Variants in GSE1 observed in about 807,000 individuals in gnomAD.
GSE1 encodes Gse1 coiled-coil protein, also known as genetic suppressor element 1.
Under a neutral mutation model 112.6 loss-of-function variants are expected in GSE1, and 32 were observed. The ratio of observed to expected loss-of-function variants is 0.28; its 90% CI spans 0.21 to 0.38. The LOEUF is 0.38. GSE1 is among the 10% of genes least tolerant of loss of function. GSE1 has a pLI of 1.00. For synonymous variants in GSE1, 1,115 were observed against 735.6 expected, an observed-to-expected ratio of 1.52 and a Z score of -8.35; for missense variants, 2,348 against 1,699.2, an observed-to-expected ratio of 1.38 and a Z score of -6.71.
At chr16:85,504,411 T>C (rs924950376) in intron 2 of GSE1, among the ~76,000 whole-genome samples, 3 of 152,184 alleles carry the variant, frequency 2.0e-5, no homozygotes, top group Non-Finnish European at 2.9e-5. Context: ...AAGCTGGGTG[T>C]GAGGACAGCT....
intron 1 of GSE1, among the ~76,000 whole-genome samples, chr16:85,237,566 C>T (rs565389979): frequency 9.9e-5 from 15 of 151,904 alleles, no homozygotes; most frequent in African/African-American, 3.1e-4. Context: ...AGGCTGGGCA[C>T]GGTGGCTCAC....
intron 1 of GSE1, among the ~76,000 whole-genome samples, chr16:85,570,279 G>A (rs2045929742): frequency 6.6e-6 from 1 of 152,148 alleles, no homozygotes; most frequent in Non-Finnish European, 1.5e-5. Flanking sequence ...CCCAGCATGT[G>A]AGAGGCTGTC....
rs1255546244 is a variant in GSE1, at chr16:85,668,213, G to A, written c.3204G>A (p.Leu1068=). The part of the protein sequence containing the change: ...DTSVHYNIPE[L]QSSSRAPPPQ... ...CCGTCCACTACAACATTCCTGAGCTGCAGTCCTCCAGCCGCGCCCCTCCAC... is the reference window on the plus strand; with the variant it reads ...CCGTCCACTACAACATTCCTGAGCTACAGTCCTCCAGCCGCGCCCCTCCAC... The change falls in exon 14 of 16, where the codon CTG becomes CTA. Residue 1068 remains leucine (L), a synonymous_variant. Coordinates refer to ENST00000253458, the MANE Select transcript of GSE1 (RefSeq NM_014615.5). 2 of 1,611,016 alleles carry A rather than the reference G, an allele frequency of 1.2e-6. No individual in the cohort carries two copies. The highest frequency in any genetic ancestry group is 1.7e-6 in the Non-Finnish European group (2 of 1,177,318).
chr16:85,600,562 AACACACACACACACACACACCCCAAAC>A (rs1158065637), intron 1 of GSE1, among the ~76,000 whole-genome samples: 1 of 148,548 alleles, frequency 6.7e-6, no homozygotes, highest in Non-Finnish European at 1.5e-5. Flanking sequence ...CTTGTTAAAA[AACACACACACACACACACACCCCAAAC>A]ACACACACAC....
intron 2 of GSE1, among the ~76,000 whole-genome samples, chr16:85,505,346 G>A (rs927714854): frequency 2.0e-5 from 3 of 152,164 alleles, no homozygotes; most frequent in Non-Finnish European, 4.4e-5. Context: ...AGTCCCACCC[G>A]GGAGGCCTTC....
chr16:85,356,389 G>A (rs540121793), intron 1 of GSE1, among the ~76,000 whole-genome samples: 4 of 152,244 alleles, frequency 2.6e-5, no homozygotes, highest in East Asian at 1.9e-4. Context: ...GGCAGCACCC[G>A]GGGAGGGACA....
intron 1 of GSE1, among the ~76,000 whole-genome samples, chr16:85,226,521 G>A (rs545149241): frequency 2.0e-5 from 3 of 152,286 alleles, no homozygotes; most frequent in Non-Finnish European, 2.9e-5. Flanking sequence ...GGCCTTGGTC[G>A]GAGTCCTGGC....
At chr16:85,370,204 G>C (rs564674312) in intron 2 of GSE1, among the ~76,000 whole-genome samples, 3 of 152,154 alleles carry the variant, frequency 2.0e-5, no homozygotes, top group Non-Finnish European at 4.4e-5. Flanking sequence ...CCCCCACCCT[G>C]TCCCTGGGCA....
At chr16:85,215,640 C>T (rs566044259) in intron 1 of GSE1, among the ~76,000 whole-genome samples, 5 of 152,322 alleles carry the variant, frequency 3.3e-5, no homozygotes, top group African/African-American at 1.2e-4. Context: ...GCCTGACACG[C>T]GGCTGTTGTT....
intron 1 of GSE1, among the ~76,000 whole-genome samples, chr16:85,284,417 G>C (rs1490666506): frequency 3.3e-5 from 5 of 152,206 alleles, no homozygotes; most frequent in African/African-American, 7.2e-5. Context: ...GGAGGTGCCA[G>C]GTGAGACCTG....
At chr16:85,494,759 A>G (rs558716114) in intron 2 of GSE1, among the ~76,000 whole-genome samples, 23 of 152,222 alleles carry the variant, frequency 1.5e-4, no homozygotes, top group Non-Finnish European at 2.4e-4. Flanking sequence ...GGGGAACTCT[A>G]TTAAATCTAG....
At chr16:85,633,340 G>T (rs1322063877) in intron 1 of GSE1, among the ~76,000 whole-genome samples, 2 of 152,202 alleles carry the variant, frequency 1.3e-5, no homozygotes, top group Non-Finnish European at 2.9e-5. Flanking sequence ...TGCCCGCGTG[G>T]ACTGGGCCGA....
chr16:85,490,279 T>A (rs1447293313), intron 2 of GSE1: 2 of 152,240 alleles, frequency 1.3e-5, no homozygotes, highest in African/African-American at 4.8e-5. Flanking sequence ...TAGGTGCTCA[T>A]GTGGGCAGGT....
At chr16:85,596,296 A>C (rs911157769) in intron 1 of GSE1, among the ~76,000 whole-genome samples, 5 of 152,130 alleles carry the variant, frequency 3.3e-5, no homozygotes, top group African/African-American at 1.2e-4. Flanking sequence ...CTGACTTGGG[A>C]AATGAAGCCT....
chr16:85,265,354 A>G (rs1238438732), intron 1 of GSE1, among the ~76,000 whole-genome samples: 4 of 152,144 alleles, frequency 2.6e-5, no homozygotes, highest in African/African-American at 9.7e-5. Context: ...GGAGGCAGAC[A>G]TGACTGCTGC....
chr16:85,227,056 TGTC>T (rs1281774485), intron 1 of GSE1, among the ~76,000 whole-genome samples: 20 of 99,166 alleles, frequency 2.0e-4, no homozygotes, highest in Non-Finnish European at 4.4e-4. Context: ...ATCTTCCATC[TGTC>T]TATTTATATA....
chr16:85,320,629 G>A (rs538117082), intron 1 of GSE1, among the ~76,000 whole-genome samples: 4 of 152,040 alleles, frequency 2.6e-5, no homozygotes, highest in African/African-American at 9.7e-5. Flanking sequence ...ACTTAATCCA[G>A]TGTGACCTCA....
intron 1 of GSE1, among the ~76,000 whole-genome samples, chr16:85,181,639 C>G (rs1048247591): frequency 6.6e-6 from 1 of 152,234 alleles, no homozygotes; most frequent in Non-Finnish European, 1.5e-5. Context: ...ACCTAGTCTC[C>G]CGCTTCGGGT....
chr16:85,312,289 C>T (rs980462091), intron 1 of GSE1, among the ~76,000 whole-genome samples: 1 of 146,554 alleles, frequency 6.8e-6, no homozygotes, highest in African/African-American at 2.6e-5. Context: ...CACAAATTGG[C>T]GGCTTAAAAC....
Sources: gnomAD v4.1 joint callset for allele counts (sites outside exome capture counted in the v4.1 genomes callset) on GRCh38, gnomAD v4.1.1 for gene constraint, MANE v1.5 for transcripts, NCBI Gene and HGNC (gene_info 2026-07-23, HGNC 2026-07-21) for gene names.